The following AUH variants were observed in gnomAD, a reference collection of about 807,000 sequenced individuals.
AUH encodes the protein methylglutaconyl-CoA hydratase, mitochondrial.
In AUH, 29 loss-of-function variants were observed where a neutral mutation model predicts 42.3. That is an observed-to-expected ratio of 0.69 (90% confidence interval 0.51 to 0.93). The LOEUF (loss-of-function observed/expected upper bound fraction) is 0.93, where lower values mean the gene tolerates loss of function less well. Ranked by LOEUF, AUH falls within the 40% of genes least tolerant of loss-of-function variation. The pLI, the probability that AUH is intolerant of heterozygous loss-of-function variation, is 0.00. For synonymous variants in AUH, 174 were observed against 166.4 expected, an observed-to-expected ratio of 1.05 and a Z score of -0.35; for missense variants, 452 against 438.1, an observed-to-expected ratio of 1.03 and a Z score of -0.28.
At chr9:91,217,447 G>T in intron 7 of AUH, 120 bp from the exon 8 acceptor site, 3 of 1,046,784 alleles carry the variant, frequency 2.9e-6, no homozygotes, top group Non-Finnish European at 4.2e-6. Context: ...ATGGCTGTCA[G>T]ATACTAGATG....
chr9:91,232,716 G>A (rs913883053), intron 6 of AUH, among the ~76,000 whole-genome samples: 9 of 152,298 alleles, frequency 5.9e-5, no homozygotes, highest in Admixed American at 2.0e-4. Flanking sequence ...AATATACAAG[G>A]GGATTTCTAA....
rs2131860995 is a variant in AUH, at chr9:91,325,389, T to G, written c.434A>C (p.Glu145Ala). Residue 145 changes from glutamate to alanine, a missense_variant, in exon 4 of 10, where the codon GAA becomes GCA. Physicochemically the swap from Glu to Ala is moderately radical, Grantham distance 107 (BLOSUM62 -1). Transcript: ENST00000375731. ...TTCACTGGAACTCATTTTGGCTCTT[T>G]CCTTAAGGTCAGCACCTGCAAAGTA... ...GIFCAGADLK[E>A]RAKMSSSEVG... 2 of 1,613,860 alleles carry G rather than the reference T, an allele frequency of 1.2e-6. No individual in the cohort carries two copies. The highest frequency in any genetic ancestry group is 8.5e-7 in the Non-Finnish European group (1 of 1,179,842).
At chr9:91,342,056 G>A (rs1363366779) in intron 3 of AUH, among the ~76,000 whole-genome samples, 2 of 152,168 alleles carry the variant, frequency 1.3e-5, no homozygotes, top group African/African-American at 4.8e-5. Context: ...GACACACTTG[G>A]TATCAGTTTC....
At chr9:91,267,761 C>A (rs1830056412) in intron 6 of AUH, among the ~76,000 whole-genome samples, 1 of 152,110 alleles carries the variant, frequency 6.6e-6, no homozygotes, top group Non-Finnish European at 1.5e-5. Context: ...GTACTCCAGG[C>A]AGGCAGGGCA....
intron 6 of AUH, among the ~76,000 whole-genome samples, chr9:91,278,009 C>T (rs930299850): frequency 2.0e-5 from 3 of 152,142 alleles, no homozygotes; most frequent in African/African-American, 7.2e-5. Flanking sequence ...GGTTTCCCCA[C>T]TGGAGGAGGC....
At chr9:91,291,310 G>T (rs553563645) in intron 6 of AUH, among the ~76,000 whole-genome samples, 7 of 152,086 alleles carry the variant, frequency 4.6e-5, no homozygotes, top group Admixed American at 3.9e-4. Context: ...GTGTCTGTTG[G>T]GGGGGTGGGG....
At chr9:91,220,693 A>T in intron 7 of AUH, 112 bp downstream of exon 7, 4 of 1,149,434 alleles carry the variant, frequency 3.5e-6, no homozygotes, top group Non-Finnish European at 5.0e-6. Context: ...GCATCCCTTT[A>T]CTTGGAAGCA....
intron 3 of AUH, among the ~76,000 whole-genome samples, chr9:91,340,427 T>A (rs1242963003): frequency 1.3e-5 from 2 of 152,242 alleles, no homozygotes; most frequent in Non-Finnish European, 2.9e-5. Flanking sequence ...ATGTTGCCTT[T>A]TTCTTTAGAG....
In AUH at chr9:91,356,111, G is replaced by C. The variant is rs780321152; in HGVS notation, c.307C>G (p.Leu103Val). 6.2e-7 allele frequency: 1 copy of C among 1,613,602 alleles called. No homozygotes were observed. The highest frequency in any genetic ancestry group is 2.2e-5 in the East Asian group (1 of 44,816). The change falls in exon 2 of 10, where the codon CTC becomes GTC. Residue 103 changes from leucine to valine, a missense_variant. Physicochemically the swap from Leu to Val is conservative, Grantham distance 32. Transcript: ENST00000375731. ...ACCATTTTTATAAGATTTTTACTGA[G>C]TGAATTTTTGCCATAAGCTCTGTTT... ...GINRAYGKNSLSKNLIKMLSK... is the reference protein window; with the variant it reads ...GINRAYGKNSVSKNLIKMLSK...
At chr9:91,232,433 T>C (rs1241690194) in intron 6 of AUH, among the ~76,000 whole-genome samples, 1 of 152,162 alleles carries the variant, frequency 6.6e-6, no homozygotes, top group East Asian at 1.9e-4. Flanking sequence ...CAATTATTTG[T>C]CAGTTAAAAA....
chr9:91,237,543 G>T (rs1828258184), intron 6 of AUH, among the ~76,000 whole-genome samples: 2 of 152,168 alleles, frequency 1.3e-5, no homozygotes, highest in Non-Finnish European at 2.9e-5. Context: ...TTACAAGGTG[G>T]TTCCCTAGTA....
At position 91,293,409 on chromosome 9, in the gene AUH, A is replaced by G. The variant is rs187251284; in HGVS notation, c.655+2612T>C. Reference sequence around the variant, plus strand: ...AAGTGCTACTCCAGTGAACACAGGAATAAGAAGAAAGCAGAATAGCCTTAT... The same window carrying G: ...AAGTGCTACTCCAGTGAACACAGGAGTAAGAAGAAAGCAGAATAGCCTTAT... On this transcript the variant is annotated intron_variant, in intron 6 of 9. Transcript: ENST00000375731. 2.5e-3 allele frequency among the ~76,000 whole-genome samples: 385 copies of G among 152,374 alleles called. 1 individual carries two copies. The highest frequency in any genetic ancestry group is 3.8e-3 in the Non-Finnish European group (261 of 68,038).
At chr9:91,338,859 C>T (rs1830891273) in intron 3 of AUH, among the ~76,000 whole-genome samples, 1 of 152,126 alleles carries the variant, frequency 6.6e-6, no homozygotes, top group Non-Finnish European at 1.5e-5. Flanking sequence ...CTCACTAACA[C>T]CCTCAAGGGT....
chr9:91,360,008 C>G (rs1173649145), intron 1 of AUH, among the ~76,000 whole-genome samples: 1 of 146,862 alleles, frequency 6.8e-6, no homozygotes, highest in Non-Finnish European at 1.5e-5. Flanking sequence ...GAAATCAAGG[C>G]TAAAGAAAAA....
intron 4 of AUH, among the ~76,000 whole-genome samples, chr9:91,324,520 T>TAAAAAAAAAAAAAAACTAAAACAAAAAAA (rs1829825301): frequency 1.6e-5 from 1 of 63,012 alleles, no homozygotes; most frequent in Non-Finnish European, 3.4e-5. Context: ...AATCAAAAAT[T>TAAAAAAAAAAAAAAACTAAAACAAAAAAA]AAAAAAAAAA....
intron 4 of AUH, among the ~76,000 whole-genome samples, chr9:91,320,863 C>G (rs1829516709): frequency 2.0e-5 from 3 of 152,108 alleles, no homozygotes; most frequent in Admixed American, 1.3e-4. Flanking sequence ...TTATGTTGTT[C>G]AAATCACTAA....
intron 3 of AUH, among the ~76,000 whole-genome samples, chr9:91,328,363 A>G (rs1193317229): frequency 6.6e-6 from 1 of 152,224 alleles, no homozygotes; most frequent in African/African-American, 2.4e-5. Context: ...TCCTCCATGA[A>G]ATACTGCAGA....
intron 6 of AUH, among the ~76,000 whole-genome samples, chr9:91,286,957 C>T (rs1424131080): frequency 2.6e-5 from 4 of 152,060 alleles, no homozygotes; most frequent in African/African-American, 4.8e-5. Flanking sequence ...TATACACACA[C>T]ACTAATGAGT....
intron 6 of AUH, among the ~76,000 whole-genome samples, chr9:91,255,149 A>C (rs1487995143): frequency 6.6e-6 from 1 of 152,242 alleles, no homozygotes; most frequent in Non-Finnish European, 1.5e-5. Flanking sequence ...AAAGTCACTA[A>C]ACACTAGTAT....
Sources: gnomAD v4.1 joint callset for allele counts (sites outside exome capture counted in the v4.1 genomes callset) on GRCh38, gnomAD v4.1.1 for gene constraint, MANE v1.5 for transcripts, NCBI Gene and HGNC (gene_info 2026-07-23, HGNC 2026-07-21) for gene names.